SPG21: variants seen among roughly 807,000 people sequenced by gnomAD.
The protein encoded by SPG21 is maspardin.
SPG21 carries 26 observed loss-of-function variants against 38.9 expected under a neutral mutation model. The observed-to-expected ratio is 0.67, with a 90% CI of 0.49 to 0.93. The LOEUF is 0.93. Among genes scored for constraint, SPG21 ranks in the 40% least tolerant of loss-of-function variants. SPG21 has a pLI of 0.00. For missense variants in SPG21, 333 were observed against 376.5 expected, an observed-to-expected ratio of 0.88 and a Z score of 0.96; for synonymous variants, 136 against 128.9, an observed-to-expected ratio of 1.05 and a Z score of -0.37.
intron 5 of SPG21, among the ~76,000 whole-genome samples, chr15:64,971,383 C>A (rs2085658791): frequency 6.6e-6 from 1 of 151,150 alleles, no homozygotes; most frequent in Non-Finnish European, 1.5e-5. Context: ...ACTAAAAATA[C>A]TAAAAATTAG....
At chr15:64,979,168 G>A (rs946919780) in intron 3 of SPG21, among the ~76,000 whole-genome samples, 4 of 152,164 alleles carry the variant, frequency 2.6e-5, no homozygotes, top group African/African-American at 9.7e-5. Context: ...CAGGGAAAGC[G>A]CACAACAAGA....
intron 3 of SPG21, among the ~76,000 whole-genome samples, chr15:64,978,866 A>G (rs2085833113): frequency 2.0e-5 from 3 of 152,228 alleles, no homozygotes; most frequent in African/African-American, 7.2e-5. Context: ...AGTAATATCA[A>G]TATCCTGGTT....
intron 2 of SPG21, 149 bp downstream of exon 2, chr15:64,983,358 G>A: frequency 1.6e-6 from 1 of 624,296 alleles, no homozygotes; most frequent in South Asian, 1.9e-5. Flanking sequence ...ACATGACAGG[G>A]AAGGAGTGAA....
intron 7 of SPG21, 132 bp from the exon 8 acceptor site, chr15:64,965,592 A>G (rs1210544528): frequency 7.3e-7 from 1 of 1,368,708 alleles, no homozygotes; most frequent in African/African-American, 1.4e-5. Flanking sequence ...TATTCCTTTC[A>G]TATGAAGACA....
At chr15:64,971,215 G>T (rs1430018435) in intron 5 of SPG21, among the ~76,000 whole-genome samples, 1 of 151,990 alleles carries the variant, frequency 6.6e-6, no homozygotes. Context: ...GTACCACCAG[G>T]CCTGACTAAT....
Position 64,984,752 on chromosome 15 carries a change from C to CTT in SPG21, c.-24-1161_-24-1160dup, listed in dbSNP as rs66644150. 2.6e-3 allele frequency among the ~76,000 whole-genome samples: 361 copies of CTT among 140,246 alleles called. 4 individuals are homozygous for CTT. The highest frequency in any genetic ancestry group is 5.5e-3 in the South Asian group (24 of 4,396). The allele number at this position is 140,246 out of a possible 152,430, so 92.0% of individuals were successfully genotyped here. On this transcript the variant is annotated intron_variant, in intron 1 of 8. Coordinates refer to ENST00000204566, the MANE Select transcript of SPG21 (RefSeq NM_016630.7). ...TAACCAGAAATTCACATGTAGTTCCCTTTTTTTTTTTTTTTGAGACAGAGT... is the reference window on the plus strand; with the variant it reads ...TAACCAGAAATTCACATGTAGTTCCCTTTTTTTTTTTTTTTTTGAGACAGAGT...
At chr15:64,977,078 G>A (rs1420094184) in intron 3 of SPG21, among the ~76,000 whole-genome samples, 4 of 152,012 alleles carry the variant, frequency 2.6e-5, no homozygotes, top group Admixed American at 2.0e-4. Context: ...GTGTCTGTTT[G>A]TTTCTTGAGA....
rs1041994416 is a variant in SPG21 at position 64,963,745 on chromosome 15, A to G, written c.811-9T>C. ...AATTGCAGCAAATGTATCTGTTGAA[A>G]TGCAGAATCATTATTTTATTTATTT... On this transcript the variant is annotated splice_polypyrimidine_tract_variant and intron_variant, in intron 8 of 8. Transcript: ENST00000204566. 1 of 1,608,202 alleles carries G rather than the reference A, an allele frequency of 6.2e-7. No individual in the cohort carries two copies.
chr15:64,968,265 G>A (rs1259003383), intron 7 of SPG21, among the ~76,000 whole-genome samples: 10 of 151,198 alleles, frequency 6.6e-5, no homozygotes, highest in Middle Eastern at 3.4e-3. Context: ...GTTTGGGCCC[G>A]GGAGGCAGAG....
At chr15:64,967,126 G>T (rs933703367) in intron 7 of SPG21, among the ~76,000 whole-genome samples, 1 of 151,778 alleles carries the variant, frequency 6.6e-6, no homozygotes, top group Non-Finnish European at 1.5e-5. Context: ...AACATGAAAT[G>T]GTATAGCCAC....
At chr15:64,970,592 A>G (rs778045938) in intron 5 of SPG21, among the ~76,000 whole-genome samples, 18 of 152,060 alleles carry the variant, frequency 1.2e-4, no homozygotes, top group Non-Finnish European at 2.5e-4. Context: ...CTTCTGGTTG[A>G]TATTATGTTT....
At position 64,976,569 on chromosome 15, in the gene SPG21, G is replaced by A. The variant is rs1229016401; in HGVS notation, c.226-14C>T. On this transcript the variant is annotated splice_polypyrimidine_tract_variant and intron_variant, in intron 3 of 8. Coordinates refer to ENST00000204566, the MANE Select transcript of SPG21 (RefSeq NM_016630.7). ...TGGATACTGCAACTGAAATAATAAC[G>A]ATAATTTTATTTTTAAAAATCATAA... 23 of 1,587,138 alleles carry A rather than the reference G, an allele frequency of 1.4e-5. No homozygotes were observed. Among genetic ancestry groups the A allele is most frequent in the Non-Finnish European group, 1.8e-5 (21 of 1,157,664 alleles).
At chr15:64,985,599 T>C (rs960058168) in intron 1 of SPG21, among the ~76,000 whole-genome samples, 1 of 152,234 alleles carries the variant, frequency 6.6e-6, no homozygotes, top group African/African-American at 2.4e-5. Context: ...TACCACTTCC[T>C]CTACCTCAAG....
At position 64,989,671 on chromosome 15, in the gene SPG21, T is replaced by C. The variant is rs1405663034; in HGVS notation, c.-31A>G. On this transcript the variant is annotated 5_prime_UTR_variant, in exon 1 of 9. Coordinates refer to ENST00000204566, the MANE Select transcript of SPG21 (RefSeq NM_016630.7). ...GGGCTTCGCCCACCCTCACCTGCCG[T>C]GGCCGCCCCCACGTCCCTTCCCCTC... 6.6e-6 allele frequency: 1 copy of C among 152,252 alleles called. No individual in the cohort carries two copies. Among genetic ancestry groups the C allele is most frequent in the African/African-American group, 2.4e-5 (1 of 41,248 alleles). 9.4% of individuals were successfully genotyped at this position (152,252 alleles called of 1,614,324 possible).
chr15:64,974,868 A>C, intron 4 of SPG21, 121 bp from the exon 5 acceptor site: 1 of 1,089,574 alleles, frequency 9.2e-7, no homozygotes. Context: ...AATAGACTAA[A>C]ATATTTACAG....
intron 5 of SPG21, among the ~76,000 whole-genome samples, chr15:64,971,568 A>G (rs888882268): frequency 6.9e-6 from 1 of 144,626 alleles, no homozygotes; most frequent in Non-Finnish European, 1.5e-5. Context: ...AGCCAGGCGC[A>G]ATGGCTCATG....
intron 3 of SPG21, among the ~76,000 whole-genome samples, chr15:64,979,425 T>C (rs148841956): frequency 6.6e-6 from 1 of 152,230 alleles, no homozygotes; most frequent in East Asian, 1.9e-4. Flanking sequence ...TGAAGAGGAA[T>C]GACTGAAAAT....
intron 2 of SPG21, chr15:64,983,121 G>C (rs1480668660): frequency 3.5e-6 from 1 of 288,190 alleles, no homozygotes; most frequent in East Asian, 1.4e-4. Flanking sequence ...AGCTGAGTGT[G>C]GTAGCGCATG....
At chr15:64,984,373 G>C (rs1256483036) in intron 1 of SPG21, among the ~76,000 whole-genome samples, 3 of 152,096 alleles carry the variant, frequency 2.0e-5, no homozygotes, top group Non-Finnish European at 4.4e-5. Flanking sequence ...TTTAATTTTT[G>C]AGACAGTCTT....
Sources: allele counts gnomAD v4.1 joint callset (sites outside exome capture counted in the v4.1 genomes callset), GRCh38; gene constraint gnomAD v4.1.1; transcripts MANE v1.5; gene names NCBI Gene and HGNC (gene_info 2026-07-23, HGNC 2026-07-21).